Variants in NCAM1 observed in about 807,000 individuals in gnomAD.
The protein encoded by NCAM1 is antigen recognized by monoclonal antibody 5.1H11.
NCAM1 carries 14 observed loss-of-function variants against 109.8 expected under a neutral mutation model. The ratio of observed to expected loss-of-function variants is 0.13; its 90% confidence interval spans 0.08 to 0.20. The LOEUF (loss-of-function observed/expected upper bound fraction) is 0.20. Ranked by LOEUF, NCAM1 falls within the 10% of genes least tolerant of loss-of-function variation. The probability of loss-of-function intolerance (pLI) is 1.00; values close to 1 mark genes in which losing one functional copy is unlikely to be tolerated. For missense variants in NCAM1, 774 were observed against 1,109.9 expected, an observed-to-expected ratio of 0.70 and a Z score of 4.30; for synonymous variants, 418 against 442.9, an observed-to-expected ratio of 0.94 and a Z score of 0.70.
chr11:113,028,355 A>C (rs1276941663), intron 1 of NCAM1, among the ~76,000 whole-genome samples: 2 of 152,202 alleles, frequency 1.3e-5, no homozygotes, highest in African/African-American at 2.4e-5. Flanking sequence ...GTCAAAAAAA[A>C]AAGAATAGAA....
chr11:113,224,624 C>T (rs547572602), intron 9 of NCAM1, among the ~76,000 whole-genome samples: 2 of 152,340 alleles, frequency 1.3e-5, no homozygotes, highest in Admixed American at 6.5e-5. Context: ...CGAGAACGGA[C>T]AGACTGCCTC....
intron 1 of NCAM1, among the ~76,000 whole-genome samples, chr11:113,166,897 G>T (rs1344967498): frequency 6.6e-5 from 10 of 152,152 alleles, no homozygotes; most frequent in Non-Finnish European, 1.3e-4. Flanking sequence ...CACAAATTCA[G>T]CTGGGTTAAG....
At chr11:113,004,220 C>T (rs780828789) in intron 1 of NCAM1, among the ~76,000 whole-genome samples, 2 of 152,128 alleles carry the variant, frequency 1.3e-5, no homozygotes, top group African/African-American at 4.8e-5. Context: ...TGTGGCCGGG[C>T]GCGGTGGCTC....
chr11:113,044,955 C>T (rs1319133313), intron 1 of NCAM1, among the ~76,000 whole-genome samples: 2 of 152,122 alleles, frequency 1.3e-5, no homozygotes, highest in East Asian at 3.9e-4. Flanking sequence ...GGGGTTTCAC[C>T]GTGTTAGCAA....
At chr11:112,986,723 G>A (rs1346861639) in intron 1 of NCAM1, among the ~76,000 whole-genome samples, 2 of 151,672 alleles carry the variant, frequency 1.3e-5, no homozygotes, top group African/African-American at 4.8e-5. Flanking sequence ...ATGATCCTTT[G>A]TACTTTCATG....
At chr11:113,142,141 A>G (rs569847706) in intron 1 of NCAM1, among the ~76,000 whole-genome samples, 1 of 152,334 alleles carries the variant, frequency 6.6e-6, no homozygotes, top group Non-Finnish European at 1.5e-5. Flanking sequence ...CAGGCTTAGT[A>G]CTAGGCTCTT....
rs189574457 is a variant in NCAM1 at position 113,065,340 on chromosome 11, C to A, written c.52+103676C>A. Among the ~76,000 whole-genome samples the A allele has an allele frequency of 7.5e-3, 1,136 of 152,246 alleles. 15 individuals carry two copies. The highest frequency in any genetic ancestry group is 0.012 in the Non-Finnish European group (805 of 68,018). On this transcript the variant is annotated intron_variant, in intron 1 of 19. Coordinates refer to ENST00000316851, the MANE Select transcript of NCAM1 (RefSeq NM_181351.5). The stretch of plus-strand genomic sequence containing the variant: ...GAATTTTAAATAAATTATGTAGATA[C>A]TCCATCCTAGAAGGGGGAGAACATA...
At chr11:113,163,856 C>T (rs2136379548) in intron 1 of NCAM1, among the ~76,000 whole-genome samples, 1 of 152,188 alleles carries the variant, frequency 6.6e-6, no homozygotes, top group Non-Finnish European at 1.5e-5. Context: ...GTCTCAACAC[C>T]CTAGAGTATG....
intron 9 of NCAM1, among the ~76,000 whole-genome samples, chr11:113,226,141 T>C (rs1409914726): frequency 6.6e-6 from 1 of 152,088 alleles, no homozygotes; most frequent in East Asian, 1.9e-4. Flanking sequence ...GACTGGCAAG[T>C]TGGATAAAGA....
At chr11:113,087,452 T>C (rs1555088483) in intron 1 of NCAM1, among the ~76,000 whole-genome samples, 1 of 152,236 alleles carries the variant, frequency 6.6e-6, no homozygotes, top group Non-Finnish European at 1.5e-5. Context: ...AAGTGAACTT[T>C]TACGTTCATA....
chr11:113,276,467 T>G lies in NCAM1; in HGVS notation c.*1080T>G, dbSNP rs545058914. 11 of 152,804 alleles carry G rather than the reference T, an allele frequency of 7.2e-5. No homozygotes were observed. Among genetic ancestry groups the G allele is most frequent in the African/African-American group, 2.6e-4 (11 of 41,592 alleles). The allele number at this position is 152,804 out of a possible 1,614,324, so 9.5% of individuals were successfully genotyped here. A position where few individuals can be genotyped will look rare whatever the true frequency, so the allele number is the denominator to read the frequency against. On this transcript the variant is annotated 3_prime_UTR_variant, in exon 20 of 20. Coordinates refer to ENST00000316851, the MANE Select transcript of NCAM1 (RefSeq NM_181351.5). ...CTGCTCCCAGGCGTTCTCACCCTTC[T>G]TTTGAAGGACTCCTTAGGCTTTGTT...
At chr11:113,113,776 A>G (rs935645655) in intron 1 of NCAM1, among the ~76,000 whole-genome samples, 1 of 152,228 alleles carries the variant, frequency 6.6e-6, no homozygotes, top group African/African-American at 2.4e-5. Flanking sequence ...TTAAAAAAAA[A>G]AAAATCTTGA....
At chr11:113,210,449 C>A (rs904839265) in intron 7 of NCAM1, among the ~76,000 whole-genome samples, 12 of 152,108 alleles carry the variant, frequency 7.9e-5, no homozygotes, top group African/African-American at 2.9e-4. Context: ...GGAAACCCAA[C>A]AGGACACAAA....
chr11:113,097,320 C>T (rs1555090615), intron 1 of NCAM1, among the ~76,000 whole-genome samples: 2 of 152,224 alleles, frequency 1.3e-5, no homozygotes, highest in African/African-American at 4.8e-5. Context: ...TGCCAGACAC[C>T]TGCACAAATG....
chr11:113,023,383 G>A (rs918059712), intron 1 of NCAM1, among the ~76,000 whole-genome samples: 2 of 152,170 alleles, frequency 1.3e-5, no homozygotes, highest in East Asian at 1.9e-4. Flanking sequence ...TGCCAGCTCC[G>A]TGACTTTTAT....
Position 113,187,590 on chromosome 11 carries a change from T to TG in NCAM1, c.53-14789_53-14788insG, listed in dbSNP as rs58887752. ...GTGTGTGTGTGTGTGTGTGTGTGTG[T>TG]TTTGGCATTAAGATCTGCATAAGCT... On this transcript the variant is annotated intron_variant, in intron 1 of 19. Coordinates refer to ENST00000316851, the MANE Select transcript of NCAM1 (RefSeq NM_181351.5). 5.3e-5 allele frequency among the ~76,000 whole-genome samples: 8 copies of TG among 150,540 alleles called. No individual in the cohort carries two copies. The South Asian group carries it at 6.4e-4, about 12-fold the overall frequency.
chr11:113,025,672 C>T (rs1302895833), intron 1 of NCAM1, among the ~76,000 whole-genome samples: 12 of 150,530 alleles, frequency 8.0e-5, no homozygotes, highest in Admixed American at 5.3e-4. Flanking sequence ...GAGCCAAGAT[C>T]GCACCACTGC....
rs538563752 is a variant in NCAM1, at chr11:112,961,492, T to C, written c.-121T>C. 1 of 797,114 alleles carries C rather than the reference T, an allele frequency of 1.3e-6. No homozygotes were observed. The highest frequency in any genetic ancestry group is 2.3e-6 in the Non-Finnish European group (1 of 434,102). 49.4% of individuals were successfully genotyped at this position (797,114 alleles called of 1,614,324 possible). On this transcript the variant is annotated 5_prime_UTR_variant, in exon 1 of 20. Coordinates refer to ENST00000316851, the MANE Select transcript of NCAM1 (RefSeq NM_181351.5). ...GGAAACAATTCTGCAAAAATAATCA[T>C]ACTCAGCCTGGCAATTGTCTGCCCC...
chr11:113,199,846 A>AAAAAAC (rs1943992244), intron 1 of NCAM1, among the ~76,000 whole-genome samples: 1 of 151,392 alleles, frequency 6.6e-6, no homozygotes, highest in South Asian at 2.1e-4. Flanking sequence ...AAAAAAAAAA[A>AAAAAAC]AAACTTCTGT....
Sources: gnomAD v4.1 joint callset for allele counts (sites outside exome capture counted in the v4.1 genomes callset) on GRCh38, gnomAD v4.1.1 for gene constraint, MANE v1.5 for transcripts, NCBI Gene and HGNC (gene_info 2026-07-23, HGNC 2026-07-21) for gene names.